The following NXPE4 variants were observed in gnomAD, a reference collection of about 807,000 sequenced individuals.
NXPE4 encodes NXPE family member 4.
In NXPE4, 42 loss-of-function variants were observed where a neutral mutation model predicts 33.3. That is an observed-to-expected ratio of 1.26 (90% confidence interval 0.98 to 1.63). The LOEUF is 1.63. Ranked by LOEUF, NXPE4 falls within the 40% of genes most tolerant of loss-of-function variation. The pLI, the probability that NXPE4 is intolerant of heterozygous loss-of-function variation, is 0.00. For synonymous variants in NXPE4, 253 were observed against 234.9 expected (o/e 1.08, Z -0.71); for missense variants, 709 against 647.6 (o/e 1.09, Z -1.03).
At chr11:114,630,363 ACAC>A in the NXPE4 span, among the ~76,000 whole-genome samples, 1 of 151,798 alleles carries the variant, frequency 6.6e-6, no homozygotes, top group Non-Finnish European at 1.5e-5. Flanking sequence ...CTCAGAAATA[ACAC>A]CACATTTCTA....
rs1949541841 is a variant in NXPE4 at position 114,594,781 on chromosome 11, A to T, written c.-10-12T>A. ...TCATGATTAGGATCCTACAAGAGAC[A>T]ATACAAAAACAAGCACAAAAACATA... On this transcript the variant is annotated splice_polypyrimidine_tract_variant and intron_variant, in intron 1 of 5. Transcript: ENST00000375478. 2 of 1,271,980 alleles carry T rather than the reference A, an allele frequency of 1.6e-6. No homozygotes were observed. 78.8% of individuals were successfully genotyped at this position (1,271,980 alleles called of 1,614,324 possible). A position where few individuals can be genotyped will look rare whatever the true frequency, so the allele number is the denominator to read the frequency against.
At chr11:114,678,060 G>A in the NXPE4 span, among the ~76,000 whole-genome samples, 1 of 152,094 alleles carries the variant, frequency 6.6e-6, no homozygotes, top group African/African-American at 2.4e-5. Flanking sequence ...CTTGATGTAT[G>A]CAATGGTTTA....
At chr11:114,675,332 T>G in the NXPE4 span, among the ~76,000 whole-genome samples, 1 of 151,570 alleles carries the variant, frequency 6.6e-6, no homozygotes, top group Non-Finnish European at 1.5e-5. Flanking sequence ...GAGAAAGAAA[T>G]AAAAGGCATC....
the NXPE4 span, among the ~76,000 whole-genome samples, chr11:114,633,559 C>G: frequency 1.3e-5 from 2 of 151,234 alleles, no homozygotes; most frequent in Non-Finnish European, 1.5e-5. Context: ...GTGTGCTGCA[C>G]CCATTGACTC....
the NXPE4 span, among the ~76,000 whole-genome samples, chr11:114,615,055 G>A: frequency 6.6e-6 from 1 of 151,874 alleles, no homozygotes; most frequent in Non-Finnish European, 1.5e-5. Context: ...AATAAGTGTT[G>A]CCTCGTGGGT....
upstream of NXPE4, among the ~76,000 whole-genome samples, chr11:114,600,591 A>G (rs745867693): frequency 3.3e-5 from 5 of 152,128 alleles, no homozygotes; most frequent in African/African-American, 9.7e-5. Flanking sequence ...CACAATCATG[A>G]AAAACCATGT....
intron 2 of NXPE4, among the ~76,000 whole-genome samples, chr11:114,592,919 A>G (rs1949493857): frequency 6.6e-6 from 1 of 152,124 alleles, no homozygotes; most frequent in Non-Finnish European, 1.5e-5. Flanking sequence ...AAAACATACA[A>G]TGGGGGAACA....
At chr11:114,657,095 A>AAAAC in the NXPE4 span, among the ~76,000 whole-genome samples, 1 of 152,176 alleles carries the variant, frequency 6.6e-6, no homozygotes, top group Non-Finnish European at 1.5e-5. Context: ...CTCCATCTCA[A>AAAAC]AAACAAACAA....
chr11:114,659,297 C>T, the NXPE4 span, among the ~76,000 whole-genome samples: 2,175 of 152,032 alleles, frequency 0.014, 43 homozygotes, highest in African/African-American at 0.05. Context: ...TCAGAGATGA[C>T]CAAATGTTGG....
intron 5 of NXPE4, 151 bp downstream of exon 5, chr11:114,579,981 A>T: frequency 1.5e-6 from 1 of 658,390 alleles, no homozygotes; most frequent in South Asian, 1.9e-5. Flanking sequence ...GTTTTTTTAA[A>T]GGAAGGATAA....
the NXPE4 span, among the ~76,000 whole-genome samples, chr11:114,638,516 G>A: frequency 6.6e-6 from 1 of 152,000 alleles, no homozygotes; most frequent in Non-Finnish European, 1.5e-5. Context: ...GAGGAACTGT[G>A]TTCCTTTCGA....
At chr11:114,660,552 A>G in the NXPE4 span, among the ~76,000 whole-genome samples, 2 of 152,110 alleles carry the variant, frequency 1.3e-5, no homozygotes, top group Non-Finnish European at 2.9e-5. Flanking sequence ...ATTATTTAAC[A>G]TAATTCAGCA....
chr11:114,633,610 C>T, the NXPE4 span, among the ~76,000 whole-genome samples: 1 of 150,962 alleles, frequency 6.6e-6, no homozygotes, highest in African/African-American at 2.4e-5. Flanking sequence ...CTATCCCTCC[C>T]ACCCTGCCCC....
chr11:114,617,118 C>A, the NXPE4 span, among the ~76,000 whole-genome samples: 2 of 151,978 alleles, frequency 1.3e-5, no homozygotes, highest in Admixed American at 1.3e-4. Context: ...TCGTGGGTAA[C>A]CACTGTTACC....
At chr11:114,672,078 C>T in the NXPE4 span, among the ~76,000 whole-genome samples, 1 of 151,898 alleles carries the variant, frequency 6.6e-6, no homozygotes. Flanking sequence ...GGAGGTGCTA[C>T]ACACTTTGAA....
chr11:114,643,680 G>C, the NXPE4 span, among the ~76,000 whole-genome samples: 3 of 152,068 alleles, frequency 2.0e-5, no homozygotes, highest in African/African-American at 7.2e-5. Context: ...ATAGTTTAAA[G>C]TCAGGTAGCA....
chr11:114,610,939 C>A, the NXPE4 span, among the ~76,000 whole-genome samples: 1 of 151,702 alleles, frequency 6.6e-6, no homozygotes. Context: ...TCGTGGGTAA[C>A]CACTGTTGCC....
At chr11:114,588,280 A>G (rs939198567) in intron 2 of NXPE4, among the ~76,000 whole-genome samples, 1 of 152,200 alleles carries the variant, frequency 6.6e-6, no homozygotes, top group Non-Finnish European at 1.5e-5. Context: ...CTTACAGGAA[A>G]TGCTCAATGG....
the NXPE4 span, among the ~76,000 whole-genome samples, chr11:114,602,120 A>G: frequency 9.8e-6 from 1 of 101,780 alleles, no homozygotes; most frequent in African/African-American, 4.1e-5. Context: ...ATATAATTAT[A>G]TATATTATAC....
Sources: gnomAD v4.1 joint callset for allele counts (sites outside exome capture counted in the v4.1 genomes callset) on GRCh38, gnomAD v4.1.1 for gene constraint, MANE v1.5 for transcripts, NCBI Gene and HGNC (gene_info 2026-07-23, HGNC 2026-07-21) for gene names.